Variants in GRID2 observed in about 807,000 individuals in gnomAD.
GRID2 encodes glutamate receptor ionotropic, delta-2.
A neutral mutation model predicts 114.8 loss-of-function variants in GRID2; 33 were observed. That is an observed-to-expected ratio of 0.29 (90% confidence interval 0.22 to 0.38). The LOEUF (loss-of-function observed/expected upper bound fraction) is 0.38, where lower values mean the gene tolerates loss of function less well. GRID2 is among the 10% of genes least tolerant of loss of function. GRID2 has a pLI of 1.00. For missense variants in GRID2, 1,184 were observed against 1,257.7 expected (o/e 0.94, Z 0.89); for synonymous variants, 505 against 449.9 (o/e 1.12, Z -1.55).
chr4:93,518,720 G>C (rs991022758), intron 13 of GRID2, among the ~76,000 whole-genome samples: 4 of 152,008 alleles, frequency 2.6e-5, no homozygotes, highest in Non-Finnish European at 5.9e-5. Context: ...GCCAGGGAAG[G>C]CTTCACTAAG....
chr4:92,926,190 C>A (rs557648480), intron 2 of GRID2, among the ~76,000 whole-genome samples: 1 of 151,908 alleles, frequency 6.6e-6, no homozygotes, highest in East Asian at 1.9e-4. Context: ...AAATAAGAAG[C>A]GACTGATGGT....
chr4:93,671,513 C>A (rs1724409005), intron 14 of GRID2, among the ~76,000 whole-genome samples: 1 of 152,010 alleles, frequency 6.6e-6, no homozygotes, highest in South Asian at 2.1e-4. Context: ...AATTGTGAGG[C>A]CTTAGTACAT....
At chr4:92,741,163 C>T (rs529308777) in intron 2 of GRID2, among the ~76,000 whole-genome samples, 1 of 152,156 alleles carries the variant, frequency 6.6e-6, no homozygotes, top group Admixed American at 6.5e-5. Context: ...TAGTAAATAT[C>T]CTAAGTCCCA....
intron 2 of GRID2, among the ~76,000 whole-genome samples, chr4:92,720,220 A>G (rs552671161): frequency 3.3e-4 from 50 of 152,028 alleles, no homozygotes; most frequent in Non-Finnish European, 6.9e-4. Flanking sequence ...CAAGCATCCT[A>G]ATAGGATAAA....
chr4:93,253,933 A>G (rs1327302758), intron 8 of GRID2, among the ~76,000 whole-genome samples: 1 of 152,126 alleles, frequency 6.6e-6, no homozygotes, highest in East Asian at 1.9e-4. Flanking sequence ...TTGAAGCTAC[A>G]AATATTTTGA....
intron 8 of GRID2, among the ~76,000 whole-genome samples, chr4:93,299,676 T>C (rs1754666745): frequency 1.3e-5 from 2 of 152,158 alleles, no homozygotes; most frequent in South Asian, 4.1e-4. Context: ...GTTGTCCACA[T>C]GTACCCTAGA....
intron 2 of GRID2, among the ~76,000 whole-genome samples, chr4:92,605,489 A>G (rs1729412703): frequency 6.6e-6 from 1 of 152,232 alleles, no homozygotes; most frequent in East Asian, 1.9e-4. Context: ...TAGTGGAAAC[A>G]AGTGACATAA....
At chr4:93,188,595 G>T (rs888771858) in intron 4 of GRID2, among the ~76,000 whole-genome samples, 1 of 152,174 alleles carries the variant, frequency 6.6e-6, no homozygotes, top group Non-Finnish European at 1.5e-5. Context: ...ACAAACAGTG[G>T]AATGGTCACA....
intron 1 of GRID2, among the ~76,000 whole-genome samples, chr4:92,515,625 G>A (rs1724462687): frequency 6.6e-6 from 1 of 151,834 alleles, no homozygotes; most frequent in South Asian, 2.1e-4. Context: ...ACTTTCGAAA[G>A]TTTTATATTT....
chr4:93,186,800 A>G (rs1482238694), intron 4 of GRID2, among the ~76,000 whole-genome samples: 1 of 152,180 alleles, frequency 6.6e-6, no homozygotes, highest in African/African-American at 2.4e-5. Flanking sequence ...TTTATAACTA[A>G]ATTCATATTC....
chr4:93,575,684 G>A (rs182110923), intron 13 of GRID2, among the ~76,000 whole-genome samples: 1 of 152,064 alleles, frequency 6.6e-6, no homozygotes, highest in Admixed American at 6.6e-5. Flanking sequence ...TTAAATGTTA[G>A]TGTTATATTT....
intron 11 of GRID2, among the ~76,000 whole-genome samples, chr4:93,467,101 A>G (rs1724355094): frequency 6.6e-6 from 1 of 152,188 alleles, no homozygotes; most frequent in African/African-American, 2.4e-5. Context: ...AATTCTCAGT[A>G]ACCAGTGAAA....
intron 14 of GRID2, among the ~76,000 whole-genome samples, chr4:93,753,694 A>G (rs1194587854): frequency 1.3e-5 from 2 of 152,198 alleles, no homozygotes; most frequent in African/African-American, 4.8e-5. Flanking sequence ...ATGGCTGCAT[A>G]GTATTCCATG....
At chr4:93,627,453 C>G (rs1381346237) in intron 14 of GRID2, among the ~76,000 whole-genome samples, 12 of 152,102 alleles carry the variant, frequency 7.9e-5, no homozygotes, top group African/African-American at 2.9e-4. Flanking sequence ...AAATCTAAAC[C>G]TCTCTCATGA....
At chr4:92,824,620 C>T (rs1190502460) in intron 2 of GRID2, among the ~76,000 whole-genome samples, 4 of 152,082 alleles carry the variant, frequency 2.6e-5, no homozygotes, top group African/African-American at 9.6e-5. Context: ...ATCAGACCCA[C>T]CTCAAAGCTC....
intron 2 of GRID2, among the ~76,000 whole-genome samples, chr4:92,854,848 A>T (rs1360444433): frequency 1.3e-5 from 2 of 152,026 alleles, no homozygotes; most frequent in Admixed American, 1.3e-4. Context: ...TTATAGAACA[A>T]TGTCTTATTT....
At chr4:93,516,932 C>T (rs1729788031) in intron 13 of GRID2, among the ~76,000 whole-genome samples, 1 of 152,070 alleles carries the variant, frequency 6.6e-6, no homozygotes, top group Non-Finnish European at 1.5e-5. Context: ...TAACCTCATT[C>T]TATACAGTAT....
chr4:92,993,709 A>G (rs1472003742), intron 2 of GRID2, among the ~76,000 whole-genome samples: 7 of 152,182 alleles, frequency 4.6e-5, no homozygotes, highest in Non-Finnish European at 1.5e-5. Context: ...TGAAATTTGG[A>G]CAACCTCAAA....
intron 9 of GRID2, among the ~76,000 whole-genome samples, chr4:93,420,448 G>A (rs543823329): frequency 4.5e-4 from 68 of 152,220 alleles, no homozygotes; most frequent in Non-Finnish European, 8.4e-4. Context: ...TCTGCCAATT[G>A]TGTAAAGTTT....
Sources: allele counts gnomAD v4.1 joint callset (sites outside exome capture counted in the v4.1 genomes callset), GRCh38; gene constraint gnomAD v4.1.1; transcripts MANE v1.5; gene names NCBI Gene and HGNC (gene_info 2026-07-23, HGNC 2026-07-21).